Variants in HYCC1 observed in about 807,000 individuals in gnomAD.
HYCC1 encodes hyccin PI4KA lipid kinase complex subunit 1, also known as hyccin.
At chr7:22,907,103 TCAAAAAAAA>T in the HYCC1 span, among the ~76,000 whole-genome samples, 1 of 27,242 alleles carries the variant, frequency 3.7e-5, no homozygotes, top group African/African-American at 1.3e-4. Context: ...AGACTCTATC[TCAAAAAAAA>T]AAAAAAAAAA....
chr7:22,937,520 T>A, the HYCC1 span: 2 of 152,238 alleles, frequency 1.3e-5, no homozygotes, highest in Non-Finnish European at 2.9e-5. Context: ...TATGCAGGCA[T>A]GCTTAAAATA....
At chr7:23,005,333 G>A in the HYCC1 span, among the ~76,000 whole-genome samples, 2 of 152,162 alleles carry the variant, frequency 1.3e-5, no homozygotes, top group East Asian at 3.8e-4. Flanking sequence ...TTTTAGGGAT[G>A]TTTTAAGGAT....
the HYCC1 span, chr7:22,941,777 G>C: frequency 6.6e-6 from 1 of 152,102 alleles, no homozygotes; most frequent in South Asian, 2.1e-4. Flanking sequence ...ATAACTCAAA[G>C]TACTGAGTAT....
At chr7:23,004,978 T>C in the HYCC1 span, among the ~76,000 whole-genome samples, 1 of 152,130 alleles carries the variant, frequency 6.6e-6, no homozygotes, top group Non-Finnish European at 1.5e-5. Flanking sequence ...GCTAATTTTT[T>C]GTATTTTTAG....
At chr7:22,977,070 G>A in the HYCC1 span, among the ~76,000 whole-genome samples, 1 of 101,262 alleles carries the variant, frequency 9.9e-6, no homozygotes, top group Admixed American at 1.4e-4. Flanking sequence ...CTGCCCGCCG[G>A]CCAACACACA....
chr7:22,928,803 CAAT>C, the HYCC1 span, among the ~76,000 whole-genome samples: 1 of 150,010 alleles, frequency 6.7e-6, no homozygotes, highest in Admixed American at 6.7e-5. Context: ...ATCAAGCTAC[CAAT>C]GACTTTCTTC....
the HYCC1 span, among the ~76,000 whole-genome samples, chr7:23,002,162 A>ATATATATATACACAAT: frequency 2.8e-5 from 1 of 35,486 alleles, no homozygotes. Context: ...ATATATATAT[A>ATATATATATACACAAT]TATATATATA....
the HYCC1 span, chr7:22,943,718 C>T: frequency 1.3e-5 from 2 of 152,466 alleles, no homozygotes; most frequent in Non-Finnish European, 2.9e-5. Context: ...TAAAGAATGA[C>T]AAAAAGACAT....
At chr7:22,956,886 G>A in the HYCC1 span, among the ~76,000 whole-genome samples, 1 of 151,908 alleles carries the variant, frequency 6.6e-6, no homozygotes, top group Non-Finnish European at 1.5e-5. Context: ...GGCCAGAGAT[G>A]CGTATTCTGA....
At chr7:22,952,679 G>T in the HYCC1 span, among the ~76,000 whole-genome samples, 1 of 151,832 alleles carries the variant, frequency 6.6e-6, no homozygotes, top group Non-Finnish European at 1.5e-5. Context: ...TTTATCAATA[G>T]AAGTCACATT....
chr7:22,922,383 A>G, the HYCC1 span, among the ~76,000 whole-genome samples: 1 of 152,324 alleles, frequency 6.6e-6, no homozygotes, highest in East Asian at 1.9e-4. Flanking sequence ...TCAAAAATGC[A>G]TTTAATACAT....
At chr7:22,977,363 G>C in the HYCC1 span, 6 of 1,595,280 alleles carry the variant, frequency 3.8e-6, no homozygotes, top group Admixed American at 1.7e-5. Flanking sequence ...AGATGGTTTG[G>C]ATAAAGATGG....
the HYCC1 span, among the ~76,000 whole-genome samples, chr7:22,910,330 T>C: frequency 6.6e-6 from 1 of 152,204 alleles, no homozygotes; most frequent in African/African-American, 2.4e-5. Flanking sequence ...GCATTGCTTT[T>C]GCTCCTTCTC....
chr7:22,945,684 G>C, the HYCC1 span: 3 of 1,613,804 alleles, frequency 1.9e-6, no homozygotes, highest in Non-Finnish European at 8.5e-7. Flanking sequence ...ACGTAAATAA[G>C]CTTTTCTTCT....
At chr7:23,004,248 C>G in the HYCC1 span, among the ~76,000 whole-genome samples, 4 of 151,952 alleles carry the variant, frequency 2.6e-5, no homozygotes, top group Non-Finnish European at 5.9e-5. Flanking sequence ...TTGTTTAATC[C>G]CTAAAGTATT....
the HYCC1 span, among the ~76,000 whole-genome samples, chr7:22,903,545 C>T: frequency 6.6e-6 from 1 of 152,140 alleles, no homozygotes; most frequent in East Asian, 1.9e-4. Flanking sequence ...ATAGCTCTAT[C>T]TCTGTTAAAA....
chr7:22,915,039 A>G, the HYCC1 span, among the ~76,000 whole-genome samples: 2 of 152,142 alleles, frequency 1.3e-5, no homozygotes, highest in South Asian at 4.1e-4. Flanking sequence ...TTTTTCATCA[A>G]ATATAAAAAC....
chr7:22,912,727 A>G, the HYCC1 span, among the ~76,000 whole-genome samples: 3 of 152,242 alleles, frequency 2.0e-5, no homozygotes, highest in Non-Finnish European at 2.9e-5. Flanking sequence ...AGAATGTGGG[A>G]AAGTTCAAGC....
chr7:22,926,981 G>A, the HYCC1 span, among the ~76,000 whole-genome samples: 2 of 152,032 alleles, frequency 1.3e-5, no homozygotes, highest in Non-Finnish European at 2.9e-5. Flanking sequence ...ATAACAAACT[G>A]TCTCTCAGAC....
Sources: allele counts gnomAD v4.1 joint callset (sites outside exome capture counted in the v4.1 genomes callset), GRCh38; gene constraint gnomAD v4.1.1; transcripts MANE v1.5; gene names NCBI Gene and HGNC (gene_info 2026-07-23, HGNC 2026-07-21).